The following ADAMTS20 variants were observed in gnomAD, a reference collection of about 807,000 sequenced individuals.
ADAMTS20 encodes the protein ADAM metallopeptidase with thrombospondin type 1 motif 20.
In ADAMTS20, 225 loss-of-function variants were observed where a neutral mutation model predicts 260.1. That is an observed-to-expected ratio of 0.87 (90% confidence interval 0.78 to 0.97). The LOEUF (loss-of-function observed/expected upper bound fraction) is 0.97, where lower values mean the gene tolerates loss of function less well. Ranked by LOEUF, ADAMTS20 falls within the 50% of genes least tolerant of loss-of-function variation. The pLI is 0.00. For synonymous variants in ADAMTS20, 802 were observed against 769.5 expected (o/e 1.04, Z -0.70); for missense variants, 2,400 against 2,337.7 (o/e 1.03, Z -0.55).
chr12:43,418,145 T>C (rs112094565), intron 28 of ADAMTS20, among the ~76,000 whole-genome samples: 4 of 152,298 alleles, frequency 2.6e-5, no homozygotes, highest in African/African-American at 9.6e-5. Context: ...TGTTCCAAAT[T>C]TGCTGAATTT....
chr12:43,376,954 T>G (rs1034810801), intron 32 of ADAMTS20, among the ~76,000 whole-genome samples: 4 of 152,250 alleles, frequency 2.6e-5, no homozygotes, highest in African/African-American at 4.8e-5. Context: ...ATTAAAACTA[T>G]CTCATTAAGT....
intron 18 of ADAMTS20, 46 bp downstream of exon 18, chr12:43,439,576 C>A: frequency 6.4e-7 from 1 of 1,563,224 alleles, no homozygotes; most frequent in South Asian, 1.2e-5. Context: ...AAAATGATGC[C>A]AGAATGCACA....
intron 4 of ADAMTS20, among the ~76,000 whole-genome samples, chr12:43,501,481 G>GCGCGCACA (rs373746834): frequency 3.4e-5 from 4 of 117,810 alleles, no homozygotes; most frequent in South Asian, 3.1e-4. Flanking sequence ...GCGCGCGCGC[G>GCGCGCACA]CACACACACA....
chr12:43,360,700 A>G (rs1939848305), intron 37 of ADAMTS20, among the ~76,000 whole-genome samples: 3 of 152,190 alleles, frequency 2.0e-5, no homozygotes, highest in Admixed American at 6.5e-5. Context: ...CACAGACACA[A>G]CCTAATAATA....
chr12:43,493,022 A>G, intron 5 of ADAMTS20, 148 bp downstream of exon 5: 1 of 644,714 alleles, frequency 1.6e-6, no homozygotes, highest in Middle Eastern at 4.2e-4. Flanking sequence ...TTCCATCACA[A>G]CAAATAAGGG....
chr12:43,386,995 G>A (rs1367234644), intron 29 of ADAMTS20, among the ~76,000 whole-genome samples: 4 of 152,234 alleles, frequency 2.6e-5, no homozygotes, highest in African/African-American at 7.2e-5. Flanking sequence ...CTGTCAAATC[G>A]CCAAACTCAT....
chr12:43,439,671 G>T lies in ADAMTS20; in HGVS notation c.2544C>A (p.Phe848Leu), dbSNP rs1565549615. The T allele has an allele frequency of 6.2e-7, 1 of 1,613,616 alleles. No individual in the cohort carries two copies. Among genetic ancestry groups the T allele is most frequent in the Non-Finnish European group, 8.5e-7 (1 of 1,179,786 alleles). ...CCCATGGTCCATAGGGGTCCCATGT[G>T]AACATGTCACTCCTCTCTTCCAAAG... ...NIPLEERSDM[F>L]TWDPYGPWEG... The change falls in exon 18 of 39, where the codon TTC becomes TTA. Residue 848 changes from phenylalanine to leucine, a missense_variant. Coordinates refer to ENST00000389420, the MANE Select transcript of ADAMTS20 (RefSeq NM_025003.5).
chr12:43,544,850 G>A (rs936314315), intron 2 of ADAMTS20, among the ~76,000 whole-genome samples: 42 of 152,160 alleles, frequency 2.8e-4, no homozygotes, highest in Admixed American at 2.7e-3. Context: ...CAATGCTCCA[G>A]AATTCTAAGG....
chr12:43,426,761 A>T (rs1941340806), intron 27 of ADAMTS20, among the ~76,000 whole-genome samples: 1 of 152,196 alleles, frequency 6.6e-6, no homozygotes, highest in Non-Finnish European at 1.5e-5. Flanking sequence ...TTTCTAAGAA[A>T]TTAAGAGAAT....
intron 2 of ADAMTS20, among the ~76,000 whole-genome samples, chr12:43,542,426 T>G (rs1224437693): frequency 6.6e-6 from 1 of 152,204 alleles, no homozygotes; most frequent in Non-Finnish European, 1.5e-5. Context: ...CTGTAATATT[T>G]GTAGCATATA....
intron 4 of ADAMTS20, among the ~76,000 whole-genome samples, chr12:43,496,225 A>C (rs1942676021): frequency 6.6e-6 from 1 of 152,210 alleles, no homozygotes; most frequent in Admixed American, 6.5e-5. Context: ...TAAATGTATT[A>C]ATTCATTTAA....
At position 43,425,572 on chromosome 12, in the gene ADAMTS20, T is replaced by C. The variant is rs752253054; in HGVS notation, c.4226A>G (p.Gln1409Arg). ...EIVNKPPSVI[Q>R]CHMHACPADV... ...AGCAGGGCAAGCATGCATATGACAC[T>C]GTATTACGCTAGGTGGCTTGTTTAC... is the stretch of plus-strand genomic sequence containing the variant. The change falls in exon 28 of 39, where the codon CAG becomes CGG. Residue 1409 changes from glutamine (Q) to arginine (R), a missense_variant. Gln to Arg is a conservative substitution (Grantham distance 43, BLOSUM62 1). Coordinates refer to ENST00000389420, the MANE Select transcript of ADAMTS20 (RefSeq NM_025003.5). 3.7e-6 allele frequency: 6 copies of C among 1,602,494 alleles called. No individual in the cohort carries two copies. In the Admixed American group the frequency reaches 6.8e-5, roughly 18 times the overall value.
intron 31 of ADAMTS20, among the ~76,000 whole-genome samples, chr12:43,382,603 A>G (rs1189931288): frequency 6.6e-6 from 1 of 152,160 alleles, no homozygotes; most frequent in Non-Finnish European, 1.5e-5. Flanking sequence ...AATTCGCTAA[A>G]TTATAAACAT....
At chr12:43,457,079 C>A (rs1379442353) in intron 11 of ADAMTS20, among the ~76,000 whole-genome samples, 2 of 152,112 alleles carry the variant, frequency 1.3e-5, no homozygotes. Flanking sequence ...TGTAGGACAC[C>A]AATAGCCAGT....
intron 3 of ADAMTS20, among the ~76,000 whole-genome samples, chr12:43,523,786 C>T (rs1049406628): frequency 2.0e-5 from 3 of 152,064 alleles, no homozygotes; most frequent in Non-Finnish European, 4.4e-5. Flanking sequence ...AGGGGTTGTT[C>T]CTTGCCGCAC....
At chr12:43,520,977 G>C (rs181053763) in intron 3 of ADAMTS20, among the ~76,000 whole-genome samples, 1 of 152,190 alleles carries the variant, frequency 6.6e-6, no homozygotes, top group Admixed American at 6.6e-5. Context: ...GGTAATACTG[G>C]TCTCACATTC....
At chr12:43,424,407 C>A (rs1008358664) in intron 28 of ADAMTS20, among the ~76,000 whole-genome samples, 2 of 152,048 alleles carry the variant, frequency 1.3e-5, no homozygotes, top group African/African-American at 2.4e-5. Flanking sequence ...ACTAACTCCA[C>A]AAAGTGGGAG....
chr12:43,399,031 A>C, intron 29 of ADAMTS20, 35 bp downstream of exon 29: 1 of 1,239,150 alleles, frequency 8.1e-7, no homozygotes, highest in Non-Finnish European at 1.0e-6. Flanking sequence ...AATACAAAAA[A>C]ATACATATAT....
chr12:43,395,987 G>T (rs1177037095), intron 29 of ADAMTS20, among the ~76,000 whole-genome samples: 2 of 151,798 alleles, frequency 1.3e-5, no homozygotes, highest in African/African-American at 4.8e-5. Context: ...ATTTACAAGT[G>T]AAGCTGCTAT....
Sources: gnomAD v4.1 joint callset for allele counts (sites outside exome capture counted in the v4.1 genomes callset) on GRCh38, gnomAD v4.1.1 for gene constraint, MANE v1.5 for transcripts, NCBI Gene and HGNC (gene_info 2026-07-23, HGNC 2026-07-21) for gene names.